Variants in TAFA1 observed in about 807,000 individuals in gnomAD.
TAFA1 encodes the protein TAFA chemokine like family member 1.
Under a neutral mutation model 18.5 loss-of-function variants are expected in TAFA1, and 4 were observed. That is an observed-to-expected ratio of 0.22 (90% CI 0.11 to 0.49). The LOEUF is 0.49. TAFA1 is among the 20% of genes least tolerant of loss of function. The pLI is 0.98. For missense variants in TAFA1, 147 were observed against 169.0 expected (o/e 0.87, Z 0.72); for synonymous variants, 56 against 55.2 (o/e 1.01, Z -0.06).
At position 68,353,671 on chromosome 3, in the gene TAFA1, A is replaced by G. The variant is rs2069311563; in HGVS notation, c.119-63609A>G. Among the ~76,000 whole-genome samples, 6 of 152,038 alleles carry G rather than the reference A, an allele frequency of 3.9e-5. No individual in the cohort carries two copies. In the South Asian group the frequency reaches 8.3e-4, roughly 21 times the overall value. Reference sequence around the variant, plus strand: ...AAAAAGGCAGGAAACAGAAAAATCGAGCCTGAGGCAGACAGCAGAGGAGCA... The same window carrying G: ...AAAAAGGCAGGAAACAGAAAAATCGGGCCTGAGGCAGACAGCAGAGGAGCA... On this transcript the variant is annotated intron_variant, in intron 2 of 4. Transcript: ENST00000478136.
chr3:68,388,715 G>T (rs2070160744), intron 2 of TAFA1, among the ~76,000 whole-genome samples: 1 of 152,022 alleles, frequency 6.6e-6, no homozygotes, highest in African/African-American at 2.4e-5. Context: ...CTACTGAAAT[G>T]AATCATTCTT....
chr3:68,059,540 G>A (rs2064576311), intron 2 of TAFA1, among the ~76,000 whole-genome samples: 1 of 152,154 alleles, frequency 6.6e-6, no homozygotes, highest in Non-Finnish European at 1.5e-5. Context: ...CACAGGACAG[G>A]TGGGTTTTGA....
chr3:68,471,481 G>T (rs2071996718), intron 3 of TAFA1, among the ~76,000 whole-genome samples: 1 of 152,168 alleles, frequency 6.6e-6, no homozygotes, highest in Admixed American at 6.5e-5. Context: ...CCAGAGGGGT[G>T]GAGCTGCCCA....
intron 3 of TAFA1, among the ~76,000 whole-genome samples, chr3:68,525,509 A>G (rs2073098627): frequency 6.6e-6 from 1 of 152,208 alleles, no homozygotes; most frequent in African/African-American, 2.4e-5. Flanking sequence ...TTCCACAAAA[A>G]TAACCATGCT....
At chr3:68,416,445 T>C (rs1440386009) in intron 2 of TAFA1, among the ~76,000 whole-genome samples, 2 of 152,170 alleles carry the variant, frequency 1.3e-5, no homozygotes, top group African/African-American at 2.4e-5. Context: ...AACTCCAAAT[T>C]TGATGTTGAG....
intron 3 of TAFA1, among the ~76,000 whole-genome samples, chr3:68,455,117 T>C (rs985005928): frequency 6.6e-6 from 1 of 152,150 alleles, no homozygotes; most frequent in African/African-American, 2.4e-5. Flanking sequence ...ATTAAAGTCA[T>C]AAGAAAGAGA....
intron 2 of TAFA1, among the ~76,000 whole-genome samples, chr3:68,248,832 C>T (rs2067136913): frequency 6.6e-6 from 1 of 152,020 alleles, no homozygotes; most frequent in Admixed American, 6.6e-5. Flanking sequence ...GCTGTATAAA[C>T]TGCATGATGT....
chr3:68,439,412 C>CCTATATATATATATATATAT (rs2071327111), intron 3 of TAFA1, among the ~76,000 whole-genome samples: 1 of 73,462 alleles, frequency 1.4e-5, no homozygotes, highest in Non-Finnish European at 2.4e-5. Context: ...TATATACATA[C>CCTATATATATATATATATAT]ATATATATAT....
At chr3:68,231,844 G>A (rs2066876158) in intron 2 of TAFA1, among the ~76,000 whole-genome samples, 1 of 151,988 alleles carries the variant, frequency 6.6e-6, no homozygotes, top group Admixed American at 6.5e-5. Flanking sequence ...TGCAATTACT[G>A]TCTCTTCTTA....
chr3:68,216,046 AAG>A (rs1559561890), intron 2 of TAFA1, among the ~76,000 whole-genome samples: 1 of 152,072 alleles, frequency 6.6e-6, no homozygotes, highest in Non-Finnish European at 1.5e-5. Context: ...TACTAAGTAA[AAG>A]AAGCCAATCT....
intron 2 of TAFA1, among the ~76,000 whole-genome samples, chr3:68,122,609 T>C (rs1433938689): frequency 6.6e-6 from 1 of 152,196 alleles, no homozygotes; most frequent in Non-Finnish European, 1.5e-5. Context: ...TGAAATTCAA[T>C]GTCAAGATAA....
chr3:68,226,712 G>A (rs543675411), intron 2 of TAFA1, among the ~76,000 whole-genome samples: 1 of 152,298 alleles, frequency 6.6e-6, no homozygotes, highest in African/African-American at 2.4e-5. Context: ...GATGTAGGCA[G>A]AGCATGAATT....
intron 2 of TAFA1, among the ~76,000 whole-genome samples, chr3:68,176,814 G>A (rs181992820): frequency 7.1e-4 from 108 of 152,224 alleles, no homozygotes; most frequent in Non-Finnish European, 1.2e-3. Flanking sequence ...GCAATTTTGG[G>A]GCTTAAAACT....
At chr3:68,384,418 T>A (rs2106685018) in intron 2 of TAFA1, among the ~76,000 whole-genome samples, 1 of 152,272 alleles carries the variant, frequency 6.6e-6, no homozygotes, top group Middle Eastern at 3.4e-3. Flanking sequence ...TTAATTTCAT[T>A]ATTTAACCGA....
chr3:68,329,098 T>G (rs2068820688), intron 2 of TAFA1, among the ~76,000 whole-genome samples: 1 of 151,694 alleles, frequency 6.6e-6, no homozygotes, highest in African/African-American at 2.4e-5. Context: ...TGTTTTTTTT[T>G]TTTTGGGACA....
intron 2 of TAFA1, among the ~76,000 whole-genome samples, chr3:68,116,975 A>G (rs964529493): frequency 6.6e-6 from 1 of 152,192 alleles, no homozygotes; most frequent in Admixed American, 6.5e-5. Context: ...CTGCCCCTTT[A>G]CAGAAACCAC....
chr3:68,106,395 C>A (rs557979866), intron 2 of TAFA1, among the ~76,000 whole-genome samples: 4 of 152,130 alleles, frequency 2.6e-5, no homozygotes, highest in African/African-American at 9.6e-5. Flanking sequence ...ACGTGGTTAG[C>A]ATAATTGAGG....
chr3:68,341,236 G>A (rs2106753364), intron 2 of TAFA1, among the ~76,000 whole-genome samples: 1 of 152,258 alleles, frequency 6.6e-6, no homozygotes, highest in East Asian at 1.9e-4. Context: ...TTGGTGGTTA[G>A]GGGCTCAAGA....
chr3:68,248,138 T>C (rs1378768654), intron 2 of TAFA1, among the ~76,000 whole-genome samples: 1 of 152,206 alleles, frequency 6.6e-6, no homozygotes, highest in Non-Finnish European at 1.5e-5. Flanking sequence ...TGTACATAAC[T>C]GACTTTCAAT....
Sources: allele counts gnomAD v4.1 joint callset (sites outside exome capture counted in the v4.1 genomes callset), GRCh38; gene constraint gnomAD v4.1.1; transcripts MANE v1.5; gene names NCBI Gene and HGNC (gene_info 2026-07-23, HGNC 2026-07-21).